The following ADRA2A variants were observed in gnomAD, a reference collection of about 807,000 sequenced individuals.
The protein encoded by ADRA2A is adrenoceptor alpha 2A, also known as alpha-2A adrenergic receptor.
A neutral mutation model predicts 5.9 loss-of-function variants in ADRA2A; 6 were observed. The observed-to-expected ratio is 1.01, with a 90% CI of 0.55 to 2.00. The LOEUF (loss-of-function observed/expected upper bound fraction) is 2.00. Among genes scored for constraint, ADRA2A ranks in the 30% most tolerant of loss-of-function variants. ADRA2A has a pLI of 0.00. For missense variants in ADRA2A, 647 were observed against 690.0 expected (o/e 0.94, Z 0.70); for synonymous variants, 345 against 325.9 (o/e 1.06, Z -0.63).
At position 111,080,255 on chromosome 10, in the gene ADRA2A, A is replaced by G. The variant is rs1247276726; in HGVS notation, c.*861A>G. 1 of 166,938 alleles carries G rather than the reference A, an allele frequency of 6.0e-6. No individual in the cohort carries two copies. Among genetic ancestry groups the G allele is most frequent in the Admixed American group, 6.6e-5 (1 of 15,262 alleles). The allele number at this position is 166,938 out of a possible 1,614,324, so 10.3% of individuals were successfully genotyped here. Reference sequence around the variant, plus strand: ...CTGTGTATAAAGCCATTATTCTCTGATGCACTGTTTGCCCCAGTAACTCAC... The same window carrying G: ...CTGTGTATAAAGCCATTATTCTCTGGTGCACTGTTTGCCCCAGTAACTCAC... On this transcript the variant is annotated 3_prime_UTR_variant, in exon 1 of 1. Coordinates refer to ENST00000280155, the MANE Select transcript of ADRA2A (RefSeq NM_000681.4).
At position 111,079,934 on chromosome 10, in the gene ADRA2A, T is replaced by C. The variant is rs1843577628; in HGVS notation, c.*540T>C. 1 of 168,720 alleles carries C rather than the reference T, an allele frequency of 5.9e-6. No homozygotes were observed. The highest frequency in any genetic ancestry group is 2.0e-4 in the South Asian group (1 of 4,898). 10.5% of individuals were successfully genotyped at this position (168,720 alleles called of 1,614,324 possible). On this transcript the variant is annotated 3_prime_UTR_variant, in exon 1 of 1. Coordinates refer to ENST00000280155, the MANE Select transcript of ADRA2A (RefSeq NM_000681.4). ...ATATCTCTTGGCCTTGGTTTTGATG[T>C]TGAAATCCTGGCCTTGGGAGAGATG...
In ADRA2A at chr10:111,078,882, G is replaced by C; in HGVS notation, c.886G>C (p.Ala296Pro). The C allele has an allele frequency of 8.3e-7, 1 of 1,202,224 alleles. No homozygotes were observed. Among genetic ancestry groups the C allele is most frequent in the Non-Finnish European group, 1.0e-6 (1 of 970,896 alleles). 74.5% of individuals were successfully genotyped at this position (1,202,224 alleles called of 1,614,324 possible). The part of the protein sequence containing the change: ...TQLNGAPGEP[A>P]PAGPRDTDAL... ...GCTCAACGGCGCCCCTGGCGAGCCC[G>C]CGCCGGCCGGGCCGCGCGACACCGA... Residue 296 changes from alanine (A) to proline (P), a missense_variant, in exon 1 of 1, where the codon GCG becomes CCG. Ala to Pro is a conservative substitution (Grantham distance 27). Coordinates refer to ENST00000280155, the MANE Select transcript of ADRA2A (RefSeq NM_000681.4).
At position 111,078,370 on chromosome 10, in the gene ADRA2A, T is replaced by C. The variant is rs1205593353; in HGVS notation, c.374T>C (p.Leu125Pro). The change falls in exon 1 of 1, where the codon CTG becomes CCG. Residue 125 changes from leucine to proline, a missense_variant. Physicochemically the swap from Leu to Pro is moderately conservative, Grantham distance 98. This residue lies in a region of ADRA2A where 577 missense variants were observed against 605.4 expected (regional missense o/e 0.95). Transcript: ENST00000280155. ...YFGKAWCEIY[L>P]ALDVLFCTSS... is the part of the protein sequence containing the mutation. ...GGCAAGGCTTGGTGCGAGATCTACC[T>C]GGCGCTCGACGTGCTCTTCTGCACG... The C allele has an allele frequency of 2.5e-6, 4 of 1,614,032 alleles. No individual in the cohort carries two copies. The South Asian group carries it at 4.4e-5, about 18-fold the overall frequency.
chr10:111,079,396 G>T lies in ADRA2A; in HGVS notation c.*2G>T, dbSNP rs771778912. On this transcript the variant is annotated 3_prime_UTR_variant, in exon 1 of 1. Transcript: ENST00000280155. Reference sequence around the variant, plus strand: ...GGGGACAGGAAGCGGATCGTGTGAGGTTTCCGCTGGCGCCCGCGTAGACTC... The same window carrying T: ...GGGGACAGGAAGCGGATCGTGTGAGTTTTCCGCTGGCGCCCGCGTAGACTC... The T allele has an allele frequency of 1.9e-6, 3 of 1,613,462 alleles. No homozygotes were observed. In the African/African-American group the frequency reaches 4.0e-5, roughly 22 times the overall value.
In ADRA2A at chr10:111,078,062, C is replaced by T. The variant is rs760629449; in HGVS notation, c.66C>T (p.Asp22=). ...CGCCCATGGGCTCCCTGCAGCCGGA[C>T]GCGGGCAACGCGAGCTGGAACGGGA... ...SFAPMGSLQP[D]AGNASWNGTE... is the part of the protein sequence containing the mutation. The change falls in exon 1 of 1, where the codon GAC becomes GAT. Residue 22 remains aspartate, a synonymous_variant. Transcript: ENST00000280155. 10 of 1,538,594 alleles carry T rather than the reference C, an allele frequency of 6.5e-6. No homozygotes were observed. Among genetic ancestry groups the T allele is most frequent in the Middle Eastern group, 3.7e-4 (2 of 5,374 alleles).
rs1187558087 is a variant in ADRA2A, at chr10:111,079,303, T to G, written c.1307T>G (p.Leu436Trp). ...TGGTTCGGCTACTGCAACAGCTCGTTGAACCCGGTCATCTACACCATCTTC... is the reference window on the plus strand; with the variant it reads ...TGGTTCGGCTACTGCAACAGCTCGTGGAACCCGGTCATCTACACCATCTTC... ...FFWFGYCNSS[L>W]NPVIYTIFNH... The change falls in exon 1 of 1, where the codon TTG becomes TGG. Residue 436 changes from leucine (L) to tryptophan (W), a missense_variant. This residue lies in a region of ADRA2A where 62 missense variants were observed against 59.8 expected (regional missense o/e 1.04). Transcript: ENST00000280155. 2 of 1,613,960 alleles carry G rather than the reference T, an allele frequency of 1.2e-6. No individual in the cohort carries two copies. Among genetic ancestry groups the G allele is most frequent in the African/African-American group, 2.7e-5 (2 of 75,000 alleles).
rs773661515 is a variant in ADRA2A at position 111,078,318 on chromosome 10, A to C, written c.322A>C (p.Asn108His). Residue 108 changes from asparagine (N) to histidine (H), a missense_variant, in exon 1 of 1, where the codon AAC becomes CAC. Asn to His is a moderately conservative substitution (Grantham distance 68). This residue lies in a region of ADRA2A where 577 missense variants were observed against 605.4 expected (regional missense o/e 0.95). Coordinates refer to ENST00000280155, the MANE Select transcript of ADRA2A (RefSeq NM_000681.4). Reference sequence around the variant, plus strand: ...GCTCGTCATCCCTTTCTCGCTGGCCAACGAGGTCATGGGCTACTGGTACTT... The same window carrying C: ...GCTCGTCATCCCTTTCTCGCTGGCCCACGAGGTCATGGGCTACTGGTACTT... ...ATLVIPFSLANEVMGYWYFGK... is the reference protein window; with the variant it reads ...ATLVIPFSLAHEVMGYWYFGK... 3 of 1,613,812 alleles carry C rather than the reference A, an allele frequency of 1.9e-6. No individual in the cohort carries two copies. The East Asian group carries it at 6.7e-5, about 36-fold the overall frequency.
In ADRA2A at chr10:111,078,657, T is replaced by C; in HGVS notation, c.661T>C (p.Phe221Leu). The C allele has an allele frequency of 1.3e-6, 2 of 1,584,690 alleles. No individual in the cohort carries two copies. The highest frequency in any genetic ancestry group is 1.7e-6 in the Non-Finnish European group (2 of 1,164,480). Residue 221 changes from phenylalanine to leucine, a missense_variant, in exon 1 of 1, where the codon TTC becomes CTC. By Grantham distance (22) the Phe-to-Leu change is conservative. This residue lies in a region of ADRA2A where 577 missense variants were observed against 605.4 expected (regional missense o/e 0.95). Transcript: ENST00000280155. ...CATCTCGTCGTGCATCGGCTCCTTC[T>C]TCGCTCCCTGCCTCATCATGATCCT... ...YVISSCIGSF[F>L]APCLIMILVY...
chr10:111,080,053 T>C lies in ADRA2A; in HGVS notation c.*659T>C, dbSNP rs1406869106. Reference sequence around the variant, plus strand: ...ATGAAGTCCCTCTATGTCGTCGTTTTCACCAGCAACTGGTGACTGTCCCTT... The same window carrying C: ...ATGAAGTCCCTCTATGTCGTCGTTTCCACCAGCAACTGGTGACTGTCCCTT... On this transcript the variant is annotated 3_prime_UTR_variant, in exon 1 of 1. Transcript: ENST00000280155. 6.0e-6 allele frequency: 1 copy of C among 167,148 alleles called. No individual in the cohort carries two copies. The highest frequency in any genetic ancestry group is 1.5e-5 in the Non-Finnish European group (1 of 68,142). 10.4% of individuals were successfully genotyped at this position (167,148 alleles called of 1,614,324 possible). A position where few individuals can be genotyped will look rare whatever the true frequency, so the allele number is the denominator to read the frequency against.
At position 111,077,315 on chromosome 10, in the gene ADRA2A, G is replaced by C. The variant is rs2484516; in HGVS notation, c.-682G>C. The C allele has an allele frequency of 0.94, 143,817 of 152,792 alleles. 67,733 individuals are homozygous for C. Among genetic ancestry groups the C allele is most frequent in the Admixed American group, 0.96 (14,691 of 15,280 alleles). 9.5% of individuals were successfully genotyped at this position (152,792 alleles called of 1,614,324 possible). ...CTCACCCCGCCGCCGCCGCCGTCCC[G>C]GAGCTCCGCACAGTGTGCCCCAGCC... On this transcript the variant is annotated 5_prime_UTR_variant, in exon 1 of 1. Coordinates refer to ENST00000280155, the MANE Select transcript of ADRA2A (RefSeq NM_000681.4).
Position 111,079,683 on chromosome 10 carries a change from C to A in ADRA2A, c.*289C>A. ...ATTGCTTCCTAAAGGTATTTTCACC[C>A]TCTTCGCCTGGTACAGCCCTCACAG... On this transcript the variant is annotated 3_prime_UTR_variant, in exon 1 of 1. Coordinates refer to ENST00000280155, the MANE Select transcript of ADRA2A (RefSeq NM_000681.4). The A allele has an allele frequency of 1.9e-6, 1 of 519,464 alleles. No individual in the cohort carries two copies. The highest frequency in any genetic ancestry group is 3.6e-6 in the Non-Finnish European group (1 of 280,810). 32.2% of individuals were successfully genotyped at this position (519,464 alleles called of 1,614,324 possible). A position where few individuals can be genotyped will look rare whatever the true frequency, so the allele number is the denominator to read the frequency against.
chr10:111,078,524 G>T lies in ADRA2A; in HGVS notation c.528G>T (p.Ser176=), dbSNP rs982112929. The change falls in exon 1 of 1, where the codon TCG becomes TCT. Residue 176 remains serine (S), a synonymous_variant. Coordinates refer to ENST00000280155, the MANE Select transcript of ADRA2A (RefSeq NM_000681.4). ...TCATCATCACCGTGTGGGTCATCTC[G>T]GCCGTCATCTCCTTCCCGCCGCTCA... is the stretch of plus-strand genomic sequence containing the variant. ...KAIIITVWVI[S]AVISFPPLIS... is the part of the protein sequence containing the mutation. 1.2e-6 allele frequency: 2 copies of T among 1,610,078 alleles called. No individual in the cohort carries two copies. The highest frequency in any genetic ancestry group is 2.2e-5 in the East Asian group (1 of 44,626).
chr10:111,077,828 C>A lies in ADRA2A; in HGVS notation c.-169C>A. ...CGAGCCAGGCGCAGTTCGCGGGACCCGGGCCATGGGCCGCTAGCGGTCCTC... is the reference window on the plus strand; with the variant it reads ...CGAGCCAGGCGCAGTTCGCGGGACCAGGGCCATGGGCCGCTAGCGGTCCTC... On this transcript the variant is annotated 5_prime_UTR_variant, in exon 1 of 1. Transcript: ENST00000280155. 1 of 1,113,626 alleles carries A rather than the reference C, an allele frequency of 9.0e-7. No homozygotes were observed. 69.0% of individuals were successfully genotyped at this position (1,113,626 alleles called of 1,614,324 possible).
Position 111,078,810 on chromosome 10 carries a change from C to T in ADRA2A, c.814C>T (p.Arg272Cys), listed in dbSNP as rs1589532006. The T allele has an allele frequency of 8.0e-7, 1 of 1,244,470 alleles. No homozygotes were observed. The highest frequency in any genetic ancestry group is 1.0e-6 in the Non-Finnish European group (1 of 989,090). The allele number at this position is 1,244,470 out of a possible 1,614,324, so 77.1% of individuals were successfully genotyped here. A position where few individuals can be genotyped will look rare whatever the true frequency, so the allele number is the denominator to read the frequency against. ...CAGGCCCAACGGTCTGGGCCCCGAGCGCAGCGCGGGCCCGGGGGGCGCAGA... is the reference window on the plus strand; with the variant it reads ...CAGGCCCAACGGTCTGGGCCCCGAGTGCAGCGCGGGCCCGGGGGGCGCAGA... ...ERRPNGLGPE[R>C]SAGPGGAEAE... Residue 272 changes from arginine to cysteine, a missense_variant, in exon 1 of 1, where the codon CGC becomes TGC. Physicochemically the swap from Arg to Cys is radical, Grantham distance 180. Transcript: ENST00000280155.
Position 111,078,601 on chromosome 10 carries a change from G to C in ADRA2A, c.605G>C (p.Arg202Pro), listed in dbSNP as rs550864420. The C allele has an allele frequency of 1.9e-6, 3 of 1,599,900 alleles. No individual in the cohort carries two copies. Among genetic ancestry groups the C allele is most frequent in the East Asian group, 2.3e-5 (1 of 44,058 alleles). Residue 202 changes from arginine to proline, a missense_variant, in exon 1 of 1, where the codon CGC becomes CCC. Physicochemically the swap from Arg to Pro is moderately radical, Grantham distance 103. Transcript: ENST00000280155. ...GGCGGCCCGCAGCCGGCCGAGCCGC[G>C]CTGCGAGATCAACGACCAGAAGTGG... ...GGGGPQPAEP[R>P]CEINDQKWYV...
rs11195419 is a variant in ADRA2A, at chr10:111,079,610, C to A, written c.*216C>A. The A allele has an allele frequency of 0.14, 85,542 of 619,010 alleles. 7,071 individuals carry two copies. The highest frequency in any genetic ancestry group is 0.28 in the African/African-American group (15,085 of 54,004). The allele number at this position is 619,010 out of a possible 1,614,324, so 38.3% of individuals were successfully genotyped here. A position where few individuals can be genotyped will look rare whatever the true frequency, so the allele number is the denominator to read the frequency against. On this transcript the variant is annotated 3_prime_UTR_variant, in exon 1 of 1. Transcript: ENST00000280155. ...CACACATCCCCAGTTGTTGGTTTGG[C>A]CACTCTTGACCTGGAGCCATCTTCC...
rs988807701 is a variant in ADRA2A, at chr10:111,080,594, A to T, written c.*1200A>T. ...CCCCCTCCGTGCTTTTCTGGTTGAG[A>T]TCATGTCATTGATGAACTGCCAAAG... On this transcript the variant is annotated 3_prime_UTR_variant, in exon 1 of 1. Coordinates refer to ENST00000280155, the MANE Select transcript of ADRA2A (RefSeq NM_000681.4). 4.2e-5 allele frequency: 7 copies of T among 167,042 alleles called. No individual in the cohort carries two copies. The highest frequency in any genetic ancestry group is 1.7e-4 in the African/African-American group (7 of 41,436). The allele number at this position is 167,042 out of a possible 1,614,324, so 10.3% of individuals were successfully genotyped here.
In ADRA2A at chr10:111,077,847, G is replaced by A. The variant is rs1433941751; in HGVS notation, c.-150G>A. On this transcript the variant is annotated 5_prime_UTR_variant, in exon 1 of 1. Coordinates refer to ENST00000280155, the MANE Select transcript of ADRA2A (RefSeq NM_000681.4). The stretch of plus-strand genomic sequence containing the variant: ...GGGACCCGGGCCATGGGCCGCTAGC[G>A]GTCCTCCAGTTCGGGCCCGGCCTCC... The A allele has an allele frequency of 1.7e-6, 2 of 1,210,754 alleles. No individual in the cohort carries two copies. Among genetic ancestry groups the A allele is most frequent in the African/African-American group, 3.2e-5 (2 of 63,236 alleles). 75.0% of individuals were successfully genotyped at this position (1,210,754 alleles called of 1,614,324 possible).
Position 111,078,755 on chromosome 10 carries a change from C to G in ADRA2A, c.759C>G (p.Ala253=), listed in dbSNP as rs778614652. 2 of 1,429,864 alleles carry G rather than the reference C, an allele frequency of 1.4e-6. No individual in the cohort carries two copies. Among genetic ancestry groups the G allele is most frequent in the Non-Finnish European group, 1.8e-6 (2 of 1,096,900 alleles). 88.6% of individuals were successfully genotyped at this position (1,429,864 alleles called of 1,614,324 possible). The change falls in exon 1 of 1, where the codon GCC becomes GCG. Residue 253 remains alanine, a synonymous_variant. Transcript: ENST00000280155. ...CACCCAGCCGCCGGGGTCCGGACGCCGTCGCCGCGCCGCCGGGGGGCACCG... is the reference window on the plus strand; with the variant it reads ...CACCCAGCCGCCGGGGTCCGGACGCGGTCGCCGCGCCGCCGGGGGGCACCG... ...RVPPSRRGPD[A]VAAPPGGTER...
Sources: gnomAD v4.1 joint callset for allele counts on GRCh38, gnomAD v4.1.1 for gene constraint, gnomAD v4.1.1 regional missense constraint, MANE v1.5 for transcripts, NCBI Gene and HGNC (gene_info 2026-07-23, HGNC 2026-07-21) for gene names.